The following PIN4 variants were observed in gnomAD, a reference collection of about 807,000 sequenced individuals.
The protein encoded by PIN4 is peptidylprolyl cis/trans isomerase, NIMA-interacting 4.
Under a neutral mutation model 8.3 loss-of-function variants are expected in PIN4, and 3 were observed. The ratio of observed to expected loss-of-function variants is 0.36; its 90% CI spans 0.16 to 0.93. The LOEUF (loss-of-function observed/expected upper bound fraction) is 0.93. Ranked by LOEUF, PIN4 falls within the 40% of genes least tolerant of loss-of-function variation. The pLI, the probability that PIN4 is intolerant of heterozygous loss-of-function variation, is 0.44. For synonymous variants in PIN4, 18 were observed against 32.5 expected (o/e 0.55, Z 1.52); for missense variants, 75 against 100.6 (o/e 0.75, Z 1.09).
intron 3 of PIN4, among the ~76,000 whole-genome samples, chrX:72,259,911 T>C (rs1235456209): frequency 3.7e-5 from 4 of 107,779 alleles, no homozygotes; most frequent in Non-Finnish European, 7.7e-5. Flanking sequence ...TTTTTCTTTT[T>C]TTTTTTTAGT....
intron 3 of PIN4, among the ~76,000 whole-genome samples, chrX:72,245,069 CAAAAAAAAAAAAAAAAAA>C (rs35952560): frequency 1.3e-3 from 26 of 19,757 alleles, no homozygotes; most frequent in African/African-American, 5.3e-3. Context: ...GAGATCCTGT[CAAAAAAAAAAAAAAAAAA>C]AAAAAAAAAA....
chrX:72,233,962 T>G (rs1426453282), intron 3 of PIN4, among the ~76,000 whole-genome samples: 2 of 108,713 alleles, frequency 1.8e-5, no homozygotes, highest in African/African-American at 3.4e-5. Flanking sequence ...AATACAATAA[T>G]TAGCCTGGCG....
intron 3 of PIN4, among the ~76,000 whole-genome samples, chrX:72,252,448 A>G (rs1383261602): frequency 9.1e-6 from 1 of 109,755 alleles, no homozygotes; most frequent in African/African-American, 3.3e-5. Context: ...CAGTTGTGCA[A>G]TCTCAGCTCA....
chrX:72,243,207 C>T (rs912909164), intron 3 of PIN4, among the ~76,000 whole-genome samples: 15 of 97,131 alleles, frequency 1.5e-4, no homozygotes, highest in African/African-American at 3.9e-4. Flanking sequence ...CTCAGCTACT[C>T]GAGAGGCTGA....
rs771456778 is a variant in PIN4, at chrX:72,233,822, G to GT, written c.313-28875dup. ...GGCATGGTGGTTTTGTAAGAATATG[G>GT]TTTTTTTTTTGACCGGGCAAGGGGG... On this transcript the variant is annotated intron_variant, in intron 3 of 3. Transcript: ENST00000423432. Among the ~76,000 whole-genome samples, 73 of 103,844 alleles carry GT rather than the reference G, an allele frequency of 7.0e-4. 3 individuals are homozygous for GT. Among genetic ancestry groups the GT allele is most frequent in the Admixed American group, 4.1e-3 (39 of 9,585 alleles). 90.2% of individuals were successfully genotyped at this position (103,844 alleles called of 115,157 possible).
chrX:72,204,270 A>ATAAT (rs768159741), intron 3 of PIN4, among the ~76,000 whole-genome samples: 7 of 112,752 alleles, frequency 6.2e-5, no homozygotes, highest in Admixed American at 9.4e-5. Flanking sequence ...AGGTAATTTT[A>ATAAT]TAATTACTTT....
intron 2 of PIN4, 67 bp from the exon 3 acceptor site, chrX:72,196,718 T>C: frequency 1.0e-6 from 1 of 975,038 alleles, no homozygotes; most frequent in South Asian, 2.4e-5. Flanking sequence ...AATCCAAATG[T>C]AACCACTGTA....
intron 3 of PIN4, among the ~76,000 whole-genome samples, chrX:72,223,939 G>A (rs1036072910): frequency 9.0e-6 from 1 of 110,918 alleles, no homozygotes; most frequent in African/African-American, 3.3e-5. Context: ...TGGGGACACT[G>A]GAAAATGGAC....
chrX:72,219,788 G>T (rs769117743), intron 3 of PIN4, among the ~76,000 whole-genome samples: 9 of 107,412 alleles, frequency 8.4e-5, no homozygotes, highest in Non-Finnish European at 1.7e-4. Flanking sequence ...GGCAGAGATT[G>T]CAGCGAGTCA....
downstream of PIN4, among the ~76,000 whole-genome samples, chrX:72,202,099 C>CTT (rs1230216064): frequency 3.5e-5 from 4 of 112,837 alleles, no homozygotes; most frequent in Non-Finnish European, 7.5e-5. Context: ...GTGAATCAGC[C>CTT]TTATGTTCCC....
At chrX:72,202,021 C>A (rs189744478), downstream of PIN4, among the ~76,000 whole-genome samples, 6,125 of 112,555 alleles carry the variant, frequency 0.054, 326 homozygotes, top group African/African-American at 0.17. Context: ...GAAAGGATGA[C>A]GTGAAGTTAC....
At chrX:72,193,969 G>A (rs2042750153) in intron 2 of PIN4, among the ~76,000 whole-genome samples, 1 of 111,854 alleles carries the variant, frequency 8.9e-6, no homozygotes, top group African/African-American at 3.3e-5. Context: ...TAAGCCAAGT[G>A]TTATTAAATA....
chrX:72,224,178 T>C (rs1457728148), intron 3 of PIN4, among the ~76,000 whole-genome samples: 5 of 111,547 alleles, frequency 4.5e-5, no homozygotes, highest in African/African-American at 1.6e-4. Flanking sequence ...CAGTATTAAC[T>C]GAATATCAAG....
intron 2 of PIN4, among the ~76,000 whole-genome samples, chrX:72,188,437 G>A (rs1424219415): frequency 9.1e-6 from 1 of 110,345 alleles, no homozygotes; most frequent in African/African-American, 3.3e-5. Flanking sequence ...GGCTCACTGC[G>A]ACCTCCGCCT....
At position 72,194,000 on chromosome X, in the gene PIN4, T is replaced by G. The variant is rs765432630; in HGVS notation, c.118-2785T>G. Among the ~76,000 whole-genome samples, 11 of 112,649 alleles carry G rather than the reference T, an allele frequency of 9.8e-5. No homozygotes were observed. In the South Asian group the frequency reaches 3.5e-3, roughly 36 times the overall value. On this transcript the variant is annotated intron_variant, in intron 2 of 3. Coordinates refer to ENST00000373669, the MANE Select transcript of PIN4 (RefSeq NM_006223.4). ...AAATAGAGTCCAAAAGTTTAAAATT[T>G]TTTAAATGTATAAAGTTAAAAAGAT...
intron 3 of PIN4, among the ~76,000 whole-genome samples, chrX:72,244,393 G>A (rs923147659): frequency 8.9e-6 from 1 of 111,883 alleles, no homozygotes; most frequent in African/African-American, 3.2e-5. Context: ...AAAAAGGGAA[G>A]GGAAGGGCAT....
intron 3 of PIN4, among the ~76,000 whole-genome samples, chrX:72,210,229 A>C (rs192845926): frequency 1.4e-3 from 149 of 108,444 alleles, no homozygotes; most frequent in Non-Finnish European, 1.6e-3. Context: ...AAATAAATAA[A>C]TAAATAAATA....
intron 2 of PIN4, among the ~76,000 whole-genome samples, chrX:72,193,980 G>C (rs988431645): frequency 8.9e-6 from 1 of 111,918 alleles, no homozygotes; most frequent in Non-Finnish European, 1.9e-5. Flanking sequence ...TTATTAAATA[G>C]AGTCCAAAAG....
At position 72,197,533 on chromosome X, in the gene PIN4, A is replaced by G. The variant is rs376487600; in HGVS notation, c.*7A>G. ...GGTCGAAGGAAGAAAATAAAATCAT[A>G]TGAAAGACTGAATAAGTTTTATACA... On this transcript the variant is annotated 3_prime_UTR_variant, in exon 4 of 4. Transcript: ENST00000373669. 2.0e-4 allele frequency: 235 copies of G among 1,181,570 alleles called. No individual in the cohort carries two copies. Among genetic ancestry groups the G allele is most frequent in the Non-Finnish European group, 2.6e-4 (222 of 870,343 alleles).
Sources: allele counts gnomAD v4.1 joint callset (sites outside exome capture counted in the v4.1 genomes callset), GRCh38; gene constraint gnomAD v4.1.1; transcripts MANE v1.5; gene names NCBI Gene and HGNC (gene_info 2026-07-23, HGNC 2026-07-21).